Variants in KCNH1 observed in about 807,000 individuals in gnomAD.
The protein encoded by KCNH1 is potassium voltage-gated channel subfamily H member 1, also known as voltage-gated delayed rectifier potassium channel KCNH1.
KCNH1 carries 27 observed loss-of-function variants against 69.2 expected under a neutral mutation model. The observed-to-expected ratio is 0.39, with a 90% CI of 0.29 to 0.54. The LOEUF is 0.54. KCNH1 is among the 20% of genes least tolerant of loss of function. The pLI is 0.68. For synonymous variants in KCNH1, 456 were observed against 487.7 expected (o/e 0.93, Z 0.86); for missense variants, 798 against 1,261.6 (o/e 0.63, Z 5.57).
chr1:210,906,635 A>G (rs1313180326), intron 7 of KCNH1, among the ~76,000 whole-genome samples: 1 of 152,194 alleles, frequency 6.6e-6, no homozygotes, highest in Non-Finnish European at 1.5e-5. Context: ...GAATGTCCAA[A>G]TGGCCTGTCC....
chr1:210,999,367 C>T (rs1026822195), intron 6 of KCNH1, among the ~76,000 whole-genome samples: 1 of 152,146 alleles, frequency 6.6e-6, no homozygotes, highest in African/African-American at 2.4e-5. Context: ...AAACTACCAT[C>T]AGAGAATACT....
At chr1:210,901,452 G>T (rs1686993927) in intron 7 of KCNH1, among the ~76,000 whole-genome samples, 1 of 152,182 alleles carries the variant, frequency 6.6e-6, no homozygotes, top group African/African-American at 2.4e-5. Context: ...GTTGGATGGG[G>T]ATGTGTGGGA....
At chr1:210,905,798 G>A (rs566341481) in intron 7 of KCNH1, among the ~76,000 whole-genome samples, 16 of 152,144 alleles carry the variant, frequency 1.1e-4, no homozygotes, top group Middle Eastern at 3.4e-3. Context: ...TGTCATGTCT[G>A]GAAAATTGAT....
chr1:210,868,982 G>C (rs924831435), intron 7 of KCNH1, among the ~76,000 whole-genome samples: 2 of 152,088 alleles, frequency 1.3e-5, no homozygotes, highest in African/African-American at 4.8e-5. Flanking sequence ...GCTTTTGTTT[G>C]CCTGAAAAAG....
intron 10 of KCNH1, among the ~76,000 whole-genome samples, chr1:210,746,127 G>T (rs999647270): frequency 3.3e-5 from 5 of 152,084 alleles, no homozygotes; most frequent in Non-Finnish European, 7.4e-5. Flanking sequence ...CTAAAAAGAG[G>T]TTGATCTTCA....
chr1:210,955,869 C>T (rs1010610296), intron 6 of KCNH1, among the ~76,000 whole-genome samples: 2 of 152,296 alleles, frequency 1.3e-5, no homozygotes, highest in East Asian at 3.9e-4. Context: ...TTGACTTCCT[C>T]TTTTCCTAAT....
intron 3 of KCNH1, among the ~76,000 whole-genome samples, chr1:211,100,350 A>T (rs771778299): frequency 6.6e-6 from 1 of 151,974 alleles, no homozygotes; most frequent in Non-Finnish European, 1.5e-5. Flanking sequence ...GTATTTATAC[A>T]CACACACACA....
At chr1:210,827,327 T>C (rs6658652) in intron 7 of KCNH1, among the ~76,000 whole-genome samples, 33,887 of 149,518 alleles carry the variant, frequency 0.23, 4,923 homozygotes, top group Non-Finnish European at 0.33. Context: ...CGAGACTCCA[T>C]CTCAAAAAAC....
At position 210,989,294 on chromosome 1, in the gene KCNH1, A is replaced by T. The variant is rs75038172; in HGVS notation, c.1032+29489T>A. ...AACTTCCAATATGTTTATGAAGCAA[A>T]AACAAAGGCAAAAGACACAAAATAC... On this transcript the variant is annotated intron_variant, in intron 6 of 10. Transcript: ENST00000271751. Among the ~76,000 whole-genome samples the T allele has an allele frequency of 1.5e-3, 225 of 152,358 alleles. 6 individuals carry two copies. The East Asian group carries it at 0.038, about 26-fold the overall frequency.
rs1203949281 is a variant in KCNH1, at chr1:210,683,523, C to T, written c.2728G>A (p.Val910Ile). 1 of 1,614,130 alleles carries T rather than the reference C, an allele frequency of 6.2e-7. No individual in the cohort carries two copies. The highest frequency in any genetic ancestry group is 8.5e-7 in the Non-Finnish European group (1 of 1,180,020). ...PQDRSPILAEVKHSFYPIPEQ... is the reference protein window; with the variant it reads ...PQDRSPILAEIKHSFYPIPEQ... ...GGGATGGGGTAGAACGAATGCTTGA[C>T]CTCTGCCAGGATGGGACTCCGATCC... The change falls in exon 11 of 11, where the codon GTC (valine) becomes ATC (isoleucine). Residue 910 changes from valine to isoleucine, a missense_variant. This residue lies in a region of KCNH1 where 331 missense variants were observed against 363.2 expected (regional missense o/e 0.91). Transcript: ENST00000271751. This position sits in a 1 kb window ranked among gnomAD's most constrained non-coding sequence, Gnocchi z 5.7.
intron 7 of KCNH1, chr1:210,859,205 T>G: frequency 6.2e-7 from 1 of 1,610,974 alleles, no homozygotes. Context: ...GCCTCCAAAA[T>G]TGAAAGAACT....
intron 6 of KCNH1, among the ~76,000 whole-genome samples, chr1:210,975,775 C>A (rs567940858): frequency 6.6e-6 from 1 of 152,270 alleles, no homozygotes; most frequent in South Asian, 2.1e-4. Context: ...TAAAGAGCTT[C>A]TGCACAGCAA....
intron 10 of KCNH1, among the ~76,000 whole-genome samples, chr1:210,694,404 G>C (rs1574186634): frequency 6.6e-6 from 1 of 151,916 alleles, no homozygotes; most frequent in Non-Finnish European, 1.5e-5. Flanking sequence ...TCTTATCCTG[G>C]GTAGAGGCCC....
intron 5 of KCNH1, among the ~76,000 whole-genome samples, chr1:211,059,962 A>G (rs550538873): frequency 1.3e-5 from 2 of 152,298 alleles, no homozygotes; most frequent in South Asian, 4.1e-4. Flanking sequence ...AATAATTCTT[A>G]AGGAAAGACC....
chr1:210,911,782 C>T (rs921921493), intron 7 of KCNH1, among the ~76,000 whole-genome samples: 3 of 152,018 alleles, frequency 2.0e-5, no homozygotes, highest in African/African-American at 7.3e-5. Context: ...TGCAGTAATC[C>T]AGCTATGAAC....
intron 7 of KCNH1, among the ~76,000 whole-genome samples, chr1:210,869,484 CGT>C (rs61235458): frequency 0.04 from 5,479 of 136,896 alleles, 127 homozygotes; most frequent in South Asian, 0.051. Flanking sequence ...AGTTATAAGT[CGT>C]GTGTGTGTGT....
chr1:211,067,944 C>G (rs920863376), intron 5 of KCNH1, among the ~76,000 whole-genome samples: 3 of 152,186 alleles, frequency 2.0e-5, no homozygotes, highest in African/African-American at 7.2e-5. Flanking sequence ...TTAGAGGAGA[C>G]AAGAAGCACA....
At chr1:211,123,598 A>G (rs1169904641) in intron 1 of KCNH1, among the ~76,000 whole-genome samples, 1 of 152,146 alleles carries the variant, frequency 6.6e-6, no homozygotes, top group Non-Finnish European at 1.5e-5. Flanking sequence ...AGACGGTGAC[A>G]CAGACTAAAG....
chr1:211,055,705 A>G (rs970861001), intron 5 of KCNH1, among the ~76,000 whole-genome samples: 2 of 152,172 alleles, frequency 1.3e-5, no homozygotes, highest in African/African-American at 2.4e-5. Context: ...TTGTCTTGCA[A>G]CTAGGATACC....
Sources: gnomAD v4.1 joint callset for allele counts (sites outside exome capture counted in the v4.1 genomes callset) on GRCh38, gnomAD v4.1.1 for gene constraint, gnomAD v4.1.1 regional missense constraint, Gnocchi (gnomAD v3.1) non-coding constraint, MANE v1.5 for transcripts, NCBI Gene and HGNC (gene_info 2026-07-23, HGNC 2026-07-21) for gene names.